CEP112: variants seen among roughly 807,000 people sequenced by gnomAD.
CEP112 encodes centrosomal protein of 112 kDa.
A neutral mutation model predicts 153.0 loss-of-function variants in CEP112; 127 were observed. The ratio of observed to expected loss-of-function variants is 0.83; its 90% confidence interval spans 0.72 to 0.96. The LOEUF (loss-of-function observed/expected upper bound fraction) is 0.96. Among genes scored for constraint, CEP112 ranks in the 40% least tolerant of loss-of-function variants. CEP112 has a pLI of 0.00. For missense variants in CEP112, 1,089 were observed against 1,101.2 expected (o/e 0.99, Z 0.16); for synonymous variants, 358 against 374.4 (o/e 0.96, Z 0.51).
intron 21 of CEP112, among the ~76,000 whole-genome samples, chr17:65,755,210 G>A (rs1338227778): frequency 2.0e-5 from 3 of 152,200 alleles, no homozygotes; most frequent in Non-Finnish European, 4.4e-5. Flanking sequence ...GGGAAGCATG[G>A]CTGGGGAGGT....
At chr17:65,884,706 C>CTTTTTTTTTTTTTTTTTTTTTTTTTTT (rs11370374) in intron 20 of CEP112, among the ~76,000 whole-genome samples, 2 of 130,660 alleles carry the variant, frequency 1.5e-5, no homozygotes, top group African/African-American at 2.8e-5. Context: ...TTTGTAGTTT[C>CTTTTTTTTTTTTTTTTTTTTTTTTTTT]TTTTTTTTTT....
intron 21 of CEP112, among the ~76,000 whole-genome samples, chr17:65,846,652 T>C (rs2057735643): frequency 6.6e-6 from 1 of 152,178 alleles, no homozygotes; most frequent in African/African-American, 2.4e-5. Context: ...CACTACAAGC[T>C]CCGCCTCCCG....
intron 1 of CEP112, among the ~76,000 whole-genome samples, chr17:66,186,463 G>A (rs763345097): frequency 2.6e-5 from 4 of 151,954 alleles, no homozygotes; most frequent in African/African-American, 4.8e-5. Flanking sequence ...ATAATTTTTC[G>A]TATTTTTAGT....
intron 16 of CEP112, among the ~76,000 whole-genome samples, chr17:66,027,214 T>C (rs572971502): frequency 1.3e-5 from 2 of 152,122 alleles, no homozygotes; most frequent in Admixed American, 1.3e-4. Flanking sequence ...CCCTCTCCAC[T>C]AAAAATGCAA....
intron 24 of CEP112, among the ~76,000 whole-genome samples, chr17:65,675,288 C>G (rs1211923373): frequency 6.6e-6 from 1 of 152,138 alleles, no homozygotes; most frequent in Non-Finnish European, 1.5e-5. Context: ...ACAAATCTTC[C>G]AACAAAGAAA....
chr17:65,665,301 G>C (rs1006591162), intron 24 of CEP112, among the ~76,000 whole-genome samples: 3 of 152,204 alleles, frequency 2.0e-5, no homozygotes, highest in Non-Finnish European at 2.9e-5. Context: ...TACATTAAGA[G>C]CCTCAGTCCA....
rs1177654064 is a variant in CEP112, at chr17:66,066,778, C to T, written c.955G>A (p.Val319Ile). The change falls in exon 10 of 27, where the codon GTT (valine) becomes ATT (isoleucine). Residue 319 changes from valine (V) to isoleucine (I), a missense_variant and splice_region_variant. Val to Ile is a conservative substitution (Grantham distance 29). Coordinates refer to ENST00000535342, the MANE Select transcript of CEP112 (RefSeq NM_001199165.4). Reference sequence around the variant, plus strand: ...GATGTATGTAACAACACAACATCACCTTTCTTTTCAAGCTTTCTAATAGTC... The same window carrying T: ...GATGTATGTAACAACACAACATCACTTTTCTTTTCAAGCTTTCTAATAGTC... ...EETIRKLEKKVQTLIRDCQVI... is the reference protein window; with the variant it reads ...EETIRKLEKKIQTLIRDCQVI... 6.6e-7 allele frequency: 1 copy of T among 1,518,122 alleles called. No homozygotes were observed. The highest frequency in any genetic ancestry group is 1.4e-5 in the African/African-American group (1 of 70,092). 94.0% of individuals were successfully genotyped at this position (1,518,122 alleles called of 1,614,324 possible). A position where few individuals can be genotyped will look rare whatever the true frequency, so the allele number is the denominator to read the frequency against.
chr17:66,154,631 G>A (rs2071357247), intron 4 of CEP112, among the ~76,000 whole-genome samples: 1 of 152,068 alleles, frequency 6.6e-6, no homozygotes, highest in South Asian at 2.1e-4. Context: ...ATCAATTCCA[G>A]ATGTACCACA....
chr17:65,987,577 G>C (rs2063453853), intron 17 of CEP112, among the ~76,000 whole-genome samples: 1 of 152,190 alleles, frequency 6.6e-6, no homozygotes, highest in Admixed American at 6.5e-5. Context: ...ATCTGATTCA[G>C]ATTTCTGGTT....
At chr17:65,904,911 T>C (rs537936624) in intron 19 of CEP112, among the ~76,000 whole-genome samples, 3 of 152,174 alleles carry the variant, frequency 2.0e-5, no homozygotes, top group Non-Finnish European at 4.4e-5. Context: ...TGCAGAAAAA[T>C]GAAACTGGAT....
intron 4 of CEP112, among the ~76,000 whole-genome samples, chr17:66,168,068 T>C (rs2072056530): frequency 1.3e-5 from 2 of 152,218 alleles, no homozygotes; most frequent in African/African-American, 4.8e-5. Context: ...TGCACAAACA[T>C]TTTAACAAGA....
chr17:65,816,001 C>T (rs541924368), intron 21 of CEP112, among the ~76,000 whole-genome samples: 17 of 152,038 alleles, frequency 1.1e-4, no homozygotes, highest in East Asian at 3.9e-4. Context: ...GCACTTCCTA[C>T]GACCTCCAGT....
intron 24 of CEP112, among the ~76,000 whole-genome samples, chr17:65,662,914 T>C (rs981697573): frequency 1.1e-4 from 16 of 152,180 alleles, no homozygotes; most frequent in African/African-American, 9.7e-5. Flanking sequence ...TTTCCAACCA[T>C]AAGAGGCTCC....
intron 12 of CEP112, among the ~76,000 whole-genome samples, chr17:66,051,263 G>A (rs1257335834): frequency 6.6e-6 from 1 of 151,202 alleles, no homozygotes; most frequent in Non-Finnish European, 1.5e-5. Flanking sequence ...TTCTTAAACT[G>A]AGTCCTTCTT....
At chr17:66,163,867 C>T (rs868011426) in intron 4 of CEP112, among the ~76,000 whole-genome samples, 1 of 152,046 alleles carries the variant, frequency 6.6e-6, no homozygotes, top group Non-Finnish European at 1.5e-5. Flanking sequence ...TATTACCTGA[C>T]AAACAGAAAC....
chr17:65,825,475 G>A (rs1278611031), intron 21 of CEP112, among the ~76,000 whole-genome samples: 2 of 152,126 alleles, frequency 1.3e-5, no homozygotes, highest in Non-Finnish European at 2.9e-5. Flanking sequence ...AGGGGCTGGG[G>A]ACCCCTGCCC....
intron 20 of CEP112, among the ~76,000 whole-genome samples, chr17:65,852,528 A>G (rs558772193): frequency 7.9e-6 from 1 of 126,668 alleles, no homozygotes; most frequent in South Asian, 2.7e-4. Flanking sequence ...CCTTCATTCC[A>G]TATTCCCATG....
chr17:65,741,814 G>T (rs1276169465), intron 23 of CEP112, among the ~76,000 whole-genome samples: 1 of 151,786 alleles, frequency 6.6e-6, no homozygotes, highest in Non-Finnish European at 1.5e-5. Context: ...ATGCAATGCA[G>T]TTTATGTGAA....
intron 20 of CEP112, among the ~76,000 whole-genome samples, chr17:65,855,700 A>G (rs933026777): frequency 1.3e-5 from 2 of 152,208 alleles, no homozygotes; most frequent in East Asian, 3.9e-4. Flanking sequence ...ACTACTACCA[A>G]AAAGAGACAC....
Sources: allele counts gnomAD v4.1 joint callset (sites outside exome capture counted in the v4.1 genomes callset), GRCh38; gene constraint gnomAD v4.1.1; transcripts MANE v1.5; gene names NCBI Gene and HGNC (gene_info 2026-07-23, HGNC 2026-07-21).